IFI16: variants seen among roughly 807,000 people sequenced by gnomAD.
The protein encoded by IFI16 is gamma-interferon-inducible protein 16.
In IFI16, 49 loss-of-function variants were observed where a neutral mutation model predicts 68.4. The observed-to-expected ratio is 0.72, with a 90% CI of 0.57 to 0.91. The LOEUF (loss-of-function observed/expected upper bound fraction) is 0.91, where lower values mean the gene tolerates loss of function less well. Among genes scored for constraint, IFI16 ranks in the 40% least tolerant of loss-of-function variants. The pLI is 0.00. For missense variants in IFI16, 878 were observed against 942.9 expected (o/e 0.93, Z 0.90); for synonymous variants, 307 against 315.0 (o/e 0.97, Z 0.27).
At chr1:159,015,646 T>G in intron 2 of IFI16, 1 of 469,650 alleles carries the variant, frequency 2.1e-6, no homozygotes, top group Non-Finnish European at 3.9e-6. Flanking sequence ...AGGGGAGGAG[T>G]GAGGAAAGTG....
intron 11 of IFI16, among the ~76,000 whole-genome samples, chr1:159,054,530 G>A (rs1320579616): frequency 1.3e-5 from 2 of 152,166 alleles, no homozygotes; most frequent in African/African-American, 2.4e-5. Flanking sequence ...GTCATTGGGT[G>A]CACCAGCTCC....
chr1:159,018,243 G>A lies in IFI16; in HGVS notation c.564G>A (p.Val188=), dbSNP rs1241222169. The A allele has an allele frequency of 1.2e-6, 2 of 1,613,308 alleles. No individual in the cohort carries two copies. The highest frequency in any genetic ancestry group is 1.7e-6 in the Non-Finnish European group (2 of 1,179,672). Reference sequence around the variant, plus strand: ...ATCATACACAGAACCCGAAAACAGTGGCCAAATGTCAGGTAACTCCCAGAA... The same window carrying A: ...ATCATACACAGAACCCGAAAACAGTAGCCAAATGTCAGGTAACTCCCAGAA... ...NSSSTENPKT[V]AKCQVTPRRN... The change falls in exon 5 of 12, where the codon GTG becomes GTA. Residue 188 remains valine (V), a synonymous_variant. Coordinates refer to ENST00000295809, the MANE Select transcript of IFI16 (RefSeq NM_001376587.1).
At chr1:159,053,352 A>G in intron 10 of IFI16, 181 bp from the exon 11 acceptor site, 1 of 426,238 alleles carries the variant, frequency 2.3e-6, no homozygotes, top group South Asian at 6.2e-5. Flanking sequence ...GGCTCAAGGG[A>G]GGAGTTGAAA....
rs527259933 is a variant in IFI16 at position 159,049,120 on chromosome 1, C to T, written c.1498-312C>T. On this transcript the variant is annotated intron_variant, in intron 8 of 11. Coordinates refer to ENST00000295809, the MANE Select transcript of IFI16 (RefSeq NM_001376587.1). ...CAACTTTATTGCAAGCCATGCTGCCCCCAAAATAGCCCTAAGAGTTGTACC... is the reference window on the plus strand; with the variant it reads ...CAACTTTATTGCAAGCCATGCTGCCTCCAAAATAGCCCTAAGAGTTGTACC... Among the ~76,000 whole-genome samples, 207 of 149,536 alleles carry T rather than the reference C, an allele frequency of 1.4e-3. 1 individual carries two copies. Among genetic ancestry groups the T allele is most frequent in the African/African-American group, 5.0e-3 (202 of 40,142 alleles).
chr1:159,047,060 G>C (rs182480735), intron 8 of IFI16, among the ~76,000 whole-genome samples: 3 of 151,130 alleles, frequency 2.0e-5, no homozygotes, highest in Non-Finnish European at 4.4e-5. Context: ...CACCCAAGAC[G>C]AATGGGCAGG....
At chr1:159,025,149 C>G (rs1490318265) in intron 6 of IFI16, among the ~76,000 whole-genome samples, 3 of 152,130 alleles carry the variant, frequency 2.0e-5, no homozygotes, top group Non-Finnish European at 4.4e-5. Flanking sequence ...TGTTGCATAT[C>G]CTGGGGCTTG....
chr1:159,043,715 A>G (rs1255059950), intron 7 of IFI16, among the ~76,000 whole-genome samples: 2 of 152,138 alleles, frequency 1.3e-5, no homozygotes, highest in African/African-American at 2.4e-5. Context: ...ACACAAGGGC[A>G]TAATTCATGA....
At chr1:159,021,403 T>A (rs1364735242) in intron 6 of IFI16, among the ~76,000 whole-genome samples, 1 of 152,210 alleles carries the variant, frequency 6.6e-6, no homozygotes, top group Non-Finnish European at 1.5e-5. Flanking sequence ...TCCAATTCCA[T>A]CCGGGTTGCT....
chr1:159,042,533 T>C (rs1349336627), intron 7 of IFI16, among the ~76,000 whole-genome samples: 1 of 152,278 alleles, frequency 6.6e-6, no homozygotes, highest in East Asian at 1.9e-4. Context: ...TTGATGTCAA[T>C]TTTTTCCATC....
intron 7 of IFI16, among the ~76,000 whole-genome samples, chr1:159,042,902 C>G (rs1367125553): frequency 6.6e-6 from 1 of 152,172 alleles, no homozygotes; most frequent in Non-Finnish European, 1.5e-5. Context: ...ATACCCAAGG[C>G]AAATGGGCAG....
In IFI16 at chr1:159,032,597, C is replaced by CAA; in HGVS notation, c.1236_1237insAA (p.Tyr413AsnfsTer41). ...CTACCCCAGGAACAGCGTCAGCTTC[C>CAA]ATATCCTTCAGAGGCCAGCACAACC... On this transcript the variant is annotated frameshift_variant, in exon 7 of 12. Coordinates refer to ENST00000295809, the MANE Select transcript of IFI16 (RefSeq NM_001376587.1). LOFTEE classifies it high-confidence loss of function. 6.2e-7 allele frequency: 1 copy of CAA among 1,612,408 alleles called. No individual in the cohort carries two copies. Among genetic ancestry groups the CAA allele is most frequent in the Non-Finnish European group, 8.5e-7 (1 of 1,179,158 alleles).
chr1:159,022,499 G>T (rs956461649), intron 6 of IFI16, among the ~76,000 whole-genome samples: 1 of 152,190 alleles, frequency 6.6e-6, no homozygotes, highest in Admixed American at 6.5e-5. Context: ...CATTGGCTGG[G>T]ACGGGACCTC....
chr1:159,046,793 A>T (rs1460692957), intron 8 of IFI16, among the ~76,000 whole-genome samples: 1 of 151,346 alleles, frequency 6.6e-6, no homozygotes, highest in Non-Finnish European at 1.5e-5. Context: ...CTCCCAGAAT[A>T]GATCATATTT....
At chr1:159,042,549 T>G (rs1654721818) in intron 7 of IFI16, among the ~76,000 whole-genome samples, 1 of 152,280 alleles carries the variant, frequency 6.6e-6, no homozygotes, top group Admixed American at 6.6e-5. Flanking sequence ...CCATCTCAGT[T>G]CTGTCCCCAG....
chr1:159,045,517 G>T (rs1654924812), intron 8 of IFI16, 53 bp downstream of exon 8: 11 of 1,595,282 alleles, frequency 6.9e-6, no homozygotes, highest in Non-Finnish European at 8.6e-7. Context: ...TAATGACAAG[G>T]ATTAACACAA....
intron 8 of IFI16, among the ~76,000 whole-genome samples, chr1:159,046,917 C>T (rs1655023615): frequency 6.6e-6 from 1 of 151,344 alleles, no homozygotes; most frequent in Non-Finnish European, 1.5e-5. Flanking sequence ...TATAGATACC[C>T]TTTCCTAGGA....
chr1:159,029,857 T>C (rs1259343352), intron 6 of IFI16, among the ~76,000 whole-genome samples: 1 of 152,082 alleles, frequency 6.6e-6, no homozygotes, highest in African/African-American at 2.4e-5. Context: ...ATTTTTTGTA[T>C]TTTTAGTAGA....
At chr1:159,033,995 C>A (rs1450742773) in intron 7 of IFI16, among the ~76,000 whole-genome samples, 1 of 152,172 alleles carries the variant, frequency 6.6e-6, no homozygotes, top group East Asian at 1.9e-4. Context: ...GGAAGTTATA[C>A]TTCCTTGCCC....
chr1:159,038,140 A>G (rs1654428164), intron 7 of IFI16, among the ~76,000 whole-genome samples: 1 of 151,760 alleles, frequency 6.6e-6, no homozygotes, highest in African/African-American at 2.4e-5. Context: ...AATCATGCAA[A>G]TATGTTTCTT....
Sources: gnomAD v4.1 joint callset for allele counts (sites outside exome capture counted in the v4.1 genomes callset) on GRCh38, gnomAD v4.1.1 for gene constraint, MANE v1.5 for transcripts, NCBI Gene and HGNC (gene_info 2026-07-23, HGNC 2026-07-21) for gene names.